The following SH3BP2 variants were observed in gnomAD, a reference collection of about 807,000 sequenced individuals.
SH3BP2 encodes SH3 domain-binding protein 2.
Under a neutral mutation model 56.2 loss-of-function variants are expected in SH3BP2, and 38 were observed. That is an observed-to-expected ratio of 0.68 (90% CI 0.52 to 0.89). The LOEUF is 0.89. Among genes scored for constraint, SH3BP2 ranks in the 40% least tolerant of loss-of-function variants. SH3BP2 has a pLI of 0.00. For synonymous variants in SH3BP2, 346 were observed against 316.7 expected, an observed-to-expected ratio of 1.09 and a Z score of -0.98; for missense variants, 748 against 762.6, an observed-to-expected ratio of 0.98 and a Z score of 0.23.
chr4:2,797,027 G>C (rs1220214521), intron 1 of SH3BP2, among the ~76,000 whole-genome samples: 1 of 152,210 alleles, frequency 6.6e-6, no homozygotes, highest in East Asian at 1.9e-4. Flanking sequence ...CCGAGCTAGG[G>C]CCTCCCTGCC....
At chr4:2,806,825 G>A (rs1723554721) in intron 1 of SH3BP2, among the ~76,000 whole-genome samples, 1 of 152,246 alleles carries the variant, frequency 6.6e-6, no homozygotes, top group Admixed American at 6.5e-5. Context: ...GAGAGAGGAA[G>A]GCCCAGTGGG....
At position 2,796,432 on chromosome 4, in the gene SH3BP2, G is replaced by A. The variant is rs542501746; in HGVS notation, c.-5+3294G>A. On this transcript the variant is annotated intron_variant, in intron 1 of 12. Transcript: ENST00000503393. ...GGCCCTGCTTGGTTTCCCGGCCCCCGATCACAGATCGTGCTGGAACTGCTG... is the reference window on the plus strand; with the variant it reads ...GGCCCTGCTTGGTTTCCCGGCCCCCAATCACAGATCGTGCTGGAACTGCTG... 1.3e-4 allele frequency: 133 copies of A among 985,474 alleles called. 1 individual carries two copies. In the South Asian group the frequency reaches 3.7e-3, roughly 27 times the overall value. 61.0% of individuals were successfully genotyped at this position (985,474 alleles called of 1,614,324 possible). A position where few individuals can be genotyped will look rare whatever the true frequency, so the allele number is the denominator to read the frequency against.
At chr4:2,813,986 A>C (rs1257584412) in intron 1 of SH3BP2, among the ~76,000 whole-genome samples, 1 of 152,206 alleles carries the variant, frequency 6.6e-6, no homozygotes. Context: ...TGGCTCCCAC[A>C]AATGGGGCCA....
chr4:2,801,402 C>T (rs1186538085), intron 1 of SH3BP2, among the ~76,000 whole-genome samples: 1 of 152,224 alleles, frequency 6.6e-6, no homozygotes, highest in East Asian at 1.9e-4. Flanking sequence ...CTCTCGGTTC[C>T]CCAACCCGGG....
In SH3BP2 at chr4:2,839,840, A is replaced by G. The variant is rs1725360080; in HGVS notation, c.*6006A>G. 1 of 151,992 alleles carries G rather than the reference A, an allele frequency of 6.6e-6. No individual in the cohort carries two copies. Among genetic ancestry groups the G allele is most frequent in the Non-Finnish European group, 1.5e-5 (1 of 68,042 alleles). The allele number at this position is 151,992 out of a possible 1,614,324, so 9.4% of individuals were successfully genotyped here. A position where few individuals can be genotyped will look rare whatever the true frequency, so the allele number is the denominator to read the frequency against. ...TGACCTCCCAAAGTGCTGGGAGTAC[A>G]GGCATGAGCCACTGTGCATGCCAGT... On this transcript the variant is annotated 3_prime_UTR_variant, in exon 13 of 13. Transcript: ENST00000503393.
intron 1 of SH3BP2, among the ~76,000 whole-genome samples, chr4:2,802,237 A>G (rs1192474853): frequency 6.6e-6 from 1 of 152,120 alleles, no homozygotes; most frequent in Non-Finnish European, 1.5e-5. Flanking sequence ...TGTCTCTACT[A>G]AAAATACAAA....
rs536846630 is a variant in SH3BP2 at position 2,826,959 on chromosome 4, G to A, written c.429-271G>A. 4.9e-5 allele frequency: 31 copies of A among 628,444 alleles called. 2 individuals carry two copies. Among genetic ancestry groups the A allele is most frequent in the South Asian group, 3.0e-4 (20 of 66,028 alleles). 38.9% of individuals were successfully genotyped at this position (628,444 alleles called of 1,614,324 possible). ...TTCCTGCGTGTGCTTGTGTGTGCAC[G>A]TGTGCATTTGTGTGTTTGTCAGAGT... On this transcript the variant is annotated intron_variant, in intron 5 of 12. Coordinates refer to ENST00000503393, the MANE Select transcript of SH3BP2 (RefSeq NM_001122681.2).
At chr4:2,830,959 C>T (rs991553301) in intron 8 of SH3BP2, among the ~76,000 whole-genome samples, 1 of 152,240 alleles carries the variant, frequency 6.6e-6, no homozygotes, top group Non-Finnish European at 1.5e-5. Context: ...TTGTCACACT[C>T]GTGGTTCTAG....
chr4:2,816,533 G>A (rs139986448), intron 1 of SH3BP2, among the ~76,000 whole-genome samples: 219 of 152,220 alleles, frequency 1.4e-3, no homozygotes, highest in African/African-American at 5.0e-3. Context: ...CTGTTCTTGG[G>A]GGAAAAACTT....
chr4:2,838,047 G>T lies in SH3BP2; in HGVS notation c.*4213G>T, dbSNP rs1725295751. On this transcript the variant is annotated 3_prime_UTR_variant, in exon 13 of 13. Coordinates refer to ENST00000503393, the MANE Select transcript of SH3BP2 (RefSeq NM_001122681.2). Reference sequence around the variant, plus strand: ...TCCAGGCTGCCAGACAGCTGCCCTGGCGTTGCCGTCTGCTTCTTCCCTGGC... The same window carrying T: ...TCCAGGCTGCCAGACAGCTGCCCTGTCGTTGCCGTCTGCTTCTTCCCTGGC... 6.6e-6 allele frequency: 1 copy of T among 152,352 alleles called. No homozygotes were observed. Among genetic ancestry groups the T allele is most frequent in the East Asian group, 1.9e-4 (1 of 5,204 alleles). 9.4% of individuals were successfully genotyped at this position (152,352 alleles called of 1,614,324 possible).
In SH3BP2 at chr4:2,834,797, C is replaced by A. The variant is rs1440527224; in HGVS notation, c.*963C>A. ...GGCCTGGCTGAGTTCACAGCCCAGT[C>A]TGGGGACAGCTGGGTATGAGGTGCT... On this transcript the variant is annotated 3_prime_UTR_variant, in exon 13 of 13. Coordinates refer to ENST00000503393, the MANE Select transcript of SH3BP2 (RefSeq NM_001122681.2). The A allele has an allele frequency of 2.0e-5, 3 of 152,366 alleles. No homozygotes were observed. The highest frequency in any genetic ancestry group is 4.4e-5 in the Non-Finnish European group (3 of 68,146). The allele number at this position is 152,366 out of a possible 1,614,324, so 9.4% of individuals were successfully genotyped here. A position where few individuals can be genotyped will look rare whatever the true frequency, so the allele number is the denominator to read the frequency against.
rs16843413 is a variant in SH3BP2, at chr4:2,825,185, C to G, written c.417C>G (p.Pro139=). ...ACTTCCACGAAAAGAAAGACCTGCC[C>G]TTGGACACCAGGTGAGCCCGGGCCC... The part of the protein sequence containing the change: ...IGHFHEKKDL[P]LDTSDSSSDT... Residue 139 remains proline, a synonymous_variant, in exon 5 of 13, where the codon CCC becomes CCG. Coordinates refer to ENST00000503393, the MANE Select transcript of SH3BP2 (RefSeq NM_001122681.2). 0.08 allele frequency: 126,227 copies of G among 1,580,238 alleles called. 6,933 individuals carry two copies. Among genetic ancestry groups the G allele is most frequent in the African/African-American group, 0.27 (19,765 of 74,026 alleles).
chr4:2,832,776 G>T (rs1321338020), intron 11 of SH3BP2, among the ~76,000 whole-genome samples: 2 of 152,196 alleles, frequency 1.3e-5, no homozygotes, highest in Non-Finnish European at 2.9e-5. Flanking sequence ...GTGGTTATTG[G>T]TGGTTATGAG....
In SH3BP2 at chr4:2,831,782, A is replaced by AC. The variant is rs555812823; in HGVS notation, c.1350+109dup. On this transcript the variant is annotated intron_variant, in intron 9 of 12. Transcript: ENST00000503393. The surrounding 1 kb of genome is among the most constrained non-coding windows in gnomAD (Gnocchi z 4.1). ...CCCTCACAGACCGTCCTGAGCAAGG[A>AC]CCCCCCGAGAACCCGGGAGCCTAGG... 2.9e-4 allele frequency: 384 copies of AC among 1,342,022 alleles called. 2 individuals carry two copies. The African/African-American group carries it at 5.3e-3, about 19-fold the overall frequency. The allele number at this position is 1,342,022 out of a possible 1,614,324, so 83.1% of individuals were successfully genotyped here.
At chr4:2,817,125 C>A (rs1291834833) in intron 1 of SH3BP2, among the ~76,000 whole-genome samples, 1 of 152,136 alleles carries the variant, frequency 6.6e-6, no homozygotes, top group Non-Finnish European at 1.5e-5. Flanking sequence ...GTCTGGCTGG[C>A]GTAAGAGCAC....
In SH3BP2 at chr4:2,820,712, A is replaced by ACCTG; in HGVS notation, c.97_100dup (p.His34ProfsTer32). ...CCTGGGGGCGTGGCCAAGGCTGGCT[A>ACCTG]CCTGCACAAGAAGGGCGGTACCCAG... On this transcript the variant is annotated frameshift_variant, in exon 2 of 13. Transcript: ENST00000503393. LOFTEE classifies it high-confidence loss of function. The ACCTG allele has an allele frequency of 6.2e-7, 1 of 1,614,082 alleles. No individual in the cohort carries two copies. Among genetic ancestry groups the ACCTG allele is most frequent in the Non-Finnish European group, 8.5e-7 (1 of 1,179,942 alleles).
intron 1 of SH3BP2, among the ~76,000 whole-genome samples, chr4:2,820,172 C>G (rs1308425562): frequency 6.6e-6 from 1 of 152,198 alleles, no homozygotes; most frequent in East Asian, 1.9e-4. Context: ...CTTGGCTGCT[C>G]ACTTGCCTTC....
chr4:2,818,121 C>A, intron 1 of SH3BP2: 1 of 687,242 alleles, frequency 1.5e-6, no homozygotes. Context: ...GGTGACGCGG[C>A]AGGGGGCGGG....
At chr4:2,832,143 G>A in intron 10 of SH3BP2, 165 bp downstream of exon 10, 1 of 970,460 alleles carries the variant, frequency 1.0e-6, no homozygotes, top group Non-Finnish European at 1.6e-6. Flanking sequence ...CCCATGCCCA[G>A]CTGGCACCCT....
Sources: allele counts gnomAD v4.1 joint callset (sites outside exome capture counted in the v4.1 genomes callset), GRCh38; gene constraint gnomAD v4.1.1; non-coding constraint Gnocchi (gnomAD v3.1); transcripts MANE v1.5; gene names NCBI Gene and HGNC (gene_info 2026-07-23, HGNC 2026-07-21).